The following SLC30A8 variants were observed in gnomAD, a reference collection of about 807,000 sequenced individuals.
The protein encoded by SLC30A8 is solute carrier family 30 member 8.
Under a neutral mutation model 36.9 loss-of-function variants are expected in SLC30A8, and 27 were observed. The observed-to-expected ratio is 0.73, with a 90% confidence interval of 0.54 to 1.01. The LOEUF (loss-of-function observed/expected upper bound fraction) is 1.01. SLC30A8 is among the 50% of genes least tolerant of loss of function. The pLI is 0.00. For synonymous variants in SLC30A8, 164 were observed against 172.4 expected, an observed-to-expected ratio of 0.95 and a Z score of 0.38; for missense variants, 439 against 452.0, an observed-to-expected ratio of 0.97 and a Z score of 0.26.
At chr8:117,088,466 C>A (rs1193761266) in intron 2 of SLC30A8, among the ~76,000 whole-genome samples, 2 of 152,094 alleles carry the variant, frequency 1.3e-5, no homozygotes, top group African/African-American at 4.8e-5. Flanking sequence ...ACCCAAATAC[C>A]TGCCGAGAGC....
At chr8:117,097,396 CAAAA>C (rs1157294543) in intron 2 of SLC30A8, among the ~76,000 whole-genome samples, 724 of 25,026 alleles carry the variant, frequency 0.029, 29 homozygotes, top group African/African-American at 0.059. Flanking sequence ...GACTCCATCT[CAAAA>C]AAAAAAAAAA....
chr8:117,067,064 A>C (rs547640152), intron 2 of SLC30A8, among the ~76,000 whole-genome samples: 3 of 152,296 alleles, frequency 2.0e-5, no homozygotes, highest in South Asian at 4.1e-4. Flanking sequence ...CCTTCTTCAC[A>C]TGGCAGCAGC....
chr8:117,157,918 A>G (rs926713996), intron 4 of SLC30A8, 74 bp downstream of exon 4: 6 of 1,530,104 alleles, frequency 3.9e-6, no homozygotes, highest in Non-Finnish European at 5.3e-6. Context: ...TCGACCTTTT[A>G]AAAAACTCAG....
chr8:117,099,274 C>T (rs890324386), intron 2 of SLC30A8, among the ~76,000 whole-genome samples: 3 of 152,208 alleles, frequency 2.0e-5, no homozygotes, highest in Middle Eastern at 3.4e-3. Context: ...TTTTCTCCCT[C>T]CCACCCAAGA....
In SLC30A8 at chr8:117,021,031, G is replaced by A. The variant is rs887177856; in HGVS notation, c.-265-18188G>A. On this transcript the variant is annotated intron_variant, in intron 1 of 10. Coordinates refer to the SLC30A8 transcript ENST00000427715. ...AATGAGAAAAAGTAGAATGTATGAT[G>A]GTGTCATTCCTGGGTGGTGAGATTT... Among the ~76,000 whole-genome samples the A allele has an allele frequency of 9.2e-5, 14 of 152,236 alleles. No individual in the cohort carries two copies. In the East Asian group the frequency reaches 2.7e-3, roughly 29 times the overall value.
chr8:116,968,066 G>T (rs1226072418), intron 1 of SLC30A8, among the ~76,000 whole-genome samples: 2 of 152,054 alleles, frequency 1.3e-5, no homozygotes, highest in African/African-American at 4.8e-5. Flanking sequence ...CCTGATAAAC[G>T]TGAAGATTCT....
chr8:117,082,896 A>G (rs1338209749), intron 2 of SLC30A8, among the ~76,000 whole-genome samples: 1 of 152,178 alleles, frequency 6.6e-6, no homozygotes, highest in African/African-American at 2.4e-5. Flanking sequence ...CTGGAAGGAA[A>G]GGAGGCTAAG....
intron 2 of SLC30A8, among the ~76,000 whole-genome samples, chr8:117,082,074 G>A (rs754973148): frequency 4.6e-5 from 7 of 152,180 alleles, no homozygotes; most frequent in African/African-American, 9.7e-5. Flanking sequence ...TGAGAGGTCA[G>A]CTATTCTTCA....
intron 2 of SLC30A8, among the ~76,000 whole-genome samples, chr8:117,044,872 G>C (rs950424631): frequency 6.6e-6 from 1 of 152,188 alleles, no homozygotes; most frequent in Non-Finnish European, 1.5e-5. Flanking sequence ...TCAAACGCAG[G>C]CTCCTGCTGC....
At chr8:117,171,588 C>T (rs991835245) in intron 7 of SLC30A8, among the ~76,000 whole-genome samples, 2 of 152,098 alleles carry the variant, frequency 1.3e-5, no homozygotes, top group Non-Finnish European at 2.9e-5. Context: ...GAGACACCAG[C>T]CCCACTCTTA....
At chr8:116,969,989 C>G (rs1458791628) in intron 1 of SLC30A8, among the ~76,000 whole-genome samples, 1 of 152,020 alleles carries the variant, frequency 6.6e-6, no homozygotes, top group South Asian at 2.1e-4. Flanking sequence ...TTAACCTTAG[C>G]TTACTTTAAC....
At chr8:116,982,612 A>G (rs550017287) in intron 1 of SLC30A8, among the ~76,000 whole-genome samples, 4 of 152,296 alleles carry the variant, frequency 2.6e-5, no homozygotes, top group African/African-American at 9.6e-5. Flanking sequence ...GAACCTGTCC[A>G]CTGATCAATC....
chr8:116,994,348 T>C (rs1815745412), intron 1 of SLC30A8, among the ~76,000 whole-genome samples: 2 of 152,100 alleles, frequency 1.3e-5, no homozygotes, highest in African/African-American at 2.4e-5. Flanking sequence ...CAGAAAAGAA[T>C]GCACAAGTGT....
At chr8:116,958,666 G>A (rs189412612) in intron 1 of SLC30A8, among the ~76,000 whole-genome samples, 1 of 151,818 alleles carries the variant, frequency 6.6e-6, no homozygotes, top group East Asian at 1.9e-4. Flanking sequence ...TGTTTCTTGT[G>A]CTTGGGTATT....
chr8:116,994,768 C>T (rs1194796541), intron 1 of SLC30A8, among the ~76,000 whole-genome samples: 1 of 152,024 alleles, frequency 6.6e-6, no homozygotes, highest in East Asian at 1.9e-4. Flanking sequence ...TATTATACCT[C>T]TCCTGTCTTT....
intron 1 of SLC30A8, among the ~76,000 whole-genome samples, chr8:116,951,629 C>T (rs929997146): frequency 3.9e-5 from 6 of 151,930 alleles, no homozygotes; most frequent in African/African-American, 1.2e-4. Flanking sequence ...AACATGAGAG[C>T]CCAAATCCCA....
intron 1 of SLC30A8, among the ~76,000 whole-genome samples, chr8:117,141,683 A>G (rs1821661099): frequency 6.6e-6 from 1 of 152,158 alleles, no homozygotes; most frequent in Non-Finnish European, 1.5e-5. Flanking sequence ...GCAGTCTTTT[A>G]TCATAATTAT....
chr8:116,991,866 G>A (rs1182986793), intron 1 of SLC30A8, among the ~76,000 whole-genome samples: 3 of 152,012 alleles, frequency 2.0e-5, no homozygotes, highest in Non-Finnish European at 2.9e-5. Context: ...CTGCTAATGC[G>A]GAAAAAGAAC....
intron 2 of SLC30A8, among the ~76,000 whole-genome samples, chr8:117,123,778 C>T (rs1820786087): frequency 6.6e-6 from 1 of 151,912 alleles, no homozygotes; most frequent in Non-Finnish European, 1.5e-5. Context: ...ACATTAAGAT[C>T]TGCTGTACAA....
Sources: gnomAD v4.1 joint callset for allele counts (sites outside exome capture counted in the v4.1 genomes callset) on GRCh38, gnomAD v4.1.1 for gene constraint, MANE v1.5 for transcripts, NCBI Gene and HGNC (gene_info 2026-07-23, HGNC 2026-07-21) for gene names.